Variants in CRB1 observed in about 807,000 individuals in gnomAD.
The protein encoded by CRB1 is crumbs cell polarity complex component 1, also known as protein crumbs homolog 1.
Under a neutral mutation model 120.0 loss-of-function variants are expected in CRB1, and 83 were observed. The observed-to-expected ratio is 0.69, with a 90% CI of 0.58 to 0.83. CRB1 has a LOEUF of 0.83. Ranked by LOEUF, CRB1 falls within the 40% of genes least tolerant of loss-of-function variation. The probability of loss-of-function intolerance (pLI) is 0.00; values close to 1 mark genes in which losing one functional copy is unlikely to be tolerated. For synonymous variants in CRB1, 625 were observed against 612.5 expected (o/e 1.02, Z -0.30); for missense variants, 1,699 against 1,687.6 (o/e 1.01, Z -0.12).
chr1:197,329,143 A>T, intron 2 of CRB1, 140 bp downstream of exon 2: 1 of 764,252 alleles, frequency 1.3e-6, no homozygotes. Context: ...CTAGATAGAA[A>T]CTCCCTAAAC....
the CRB1 span, among the ~76,000 whole-genome samples, chr1:197,240,415 T>C: frequency 6.6e-6 from 1 of 152,144 alleles, no homozygotes; most frequent in Non-Finnish European, 1.5e-5. Flanking sequence ...CCCCTCCCTG[T>C]GTCCATGTGT....
chr1:197,211,109 C>G, the CRB1 span, among the ~76,000 whole-genome samples: 1 of 152,164 alleles, frequency 6.6e-6, no homozygotes, highest in Non-Finnish European at 1.5e-5. Context: ...ACACAATTCT[C>G]TATGACAGGG....
intron 1 of CRB1, among the ~76,000 whole-genome samples, chr1:197,282,416 A>T (rs1017543923): frequency 6.6e-6 from 1 of 151,784 alleles, no homozygotes; most frequent in Non-Finnish European, 1.5e-5. Context: ...TGGTCCAGTA[A>T]CTCTTCTAGG....
rs548753072 is a variant in CRB1 at position 197,410,145 on chromosome 1, T to C, written c.1172-10855T>C. 4.6e-5 allele frequency among the ~76,000 whole-genome samples: 7 copies of C among 152,322 alleles called. No homozygotes were observed. The East Asian group carries it at 1.2e-3, about 25-fold the overall frequency. ...CTAGTTCTCAGCTGTCATTTCCTGC[T>C]GGCTGAAAAGGTACACAAAGTTATC... On this transcript the variant is annotated intron_variant, in intron 5 of 11. Coordinates refer to ENST00000367400, the MANE Select transcript of CRB1 (RefSeq NM_201253.3).
chr1:197,309,685 C>A (rs1014614783), intron 1 of CRB1, among the ~76,000 whole-genome samples: 1 of 151,802 alleles, frequency 6.6e-6, no homozygotes, highest in Non-Finnish European at 1.5e-5. Context: ...ACCCGGGAGG[C>A]AGAGCTTGCA....
intron 5 of CRB1, among the ~76,000 whole-genome samples, chr1:197,384,130 T>G (rs1455964466): frequency 6.6e-6 from 1 of 152,202 alleles, no homozygotes; most frequent in Non-Finnish European, 1.5e-5. Flanking sequence ...CCTCTCTACT[T>G]TCTGTGCCAG....
intron 3 of CRB1, 138 bp from the exon 4 acceptor site, chr1:197,347,202 T>C: frequency 5.1e-6 from 4 of 782,668 alleles, no homozygotes; most frequent in Non-Finnish European, 9.0e-6. Context: ...CAGTCCTGTA[T>C]AGATAATTCC....
intron 1 of CRB1, among the ~76,000 whole-genome samples, chr1:197,297,839 A>G (rs962540472): frequency 4.6e-5 from 7 of 152,134 alleles, no homozygotes; most frequent in African/African-American, 1.4e-4. Flanking sequence ...AATAGCTTTT[A>G]AGAGATAGAG....
intron 5 of CRB1, among the ~76,000 whole-genome samples, chr1:197,367,739 C>T (rs1433930007): frequency 1.3e-5 from 2 of 152,150 alleles, no homozygotes; most frequent in African/African-American, 4.8e-5. Flanking sequence ...AGAGGAACAC[C>T]CTCCCTGGTC....
intron 1 of CRB1, among the ~76,000 whole-genome samples, chr1:197,322,597 C>T (rs72740526): frequency 0.12 from 18,863 of 152,096 alleles, 1,506 homozygotes; most frequent in Middle Eastern, 0.21. Flanking sequence ...TTACAGAAGA[C>T]TTAACATTCC....
At chr1:197,259,293 G>T in the CRB1 span, among the ~76,000 whole-genome samples, 1 of 152,232 alleles carries the variant, frequency 6.6e-6, no homozygotes, top group Admixed American at 6.5e-5. Flanking sequence ...GCCCATCAAT[G>T]ATAGACTGGA....
At chr1:197,264,652 C>T (rs925541274), upstream of CRB1, among the ~76,000 whole-genome samples, 76 of 144,538 alleles carry the variant, frequency 5.3e-4, 1 homozygote, top group Admixed American at 4.4e-3. Context: ...CTCACTCTGT[C>T]GCTCTGTCGC....
chr1:197,216,442 A>AT, the CRB1 span, among the ~76,000 whole-genome samples: 1 of 152,204 alleles, frequency 6.6e-6, no homozygotes, highest in Non-Finnish European at 1.5e-5. Flanking sequence ...CTAGCTGGAA[A>AT]TCGTCAATTA....
chr1:197,232,515 T>C, the CRB1 span, among the ~76,000 whole-genome samples: 1 of 152,250 alleles, frequency 6.6e-6, no homozygotes, highest in East Asian at 1.9e-4. Flanking sequence ...GAACATGGTG[T>C]CCTTAGGGGC....
rs3902057 is a variant in CRB1, at chr1:197,421,238, A to G, written c.1410A>G (p.Leu470=). 1,592,868 of 1,614,162 alleles carry G rather than the reference A, an allele frequency of 0.99. 788,214 individuals are homozygous for G. The highest frequency in any genetic ancestry group is 1 in the East Asian group (44,868 of 44,874). Residue 470 remains leucine (L), a synonymous_variant, in exon 6 of 12, where the codon CTA becomes CTG. Transcript: ENST00000367400. Reference sequence around the variant, plus strand: ...ATGGCCAGCATGGATTCAGCTGCCTATGTCCATCTGGCTACACCGGGTCCC... The same window carrying G: ...ATGGCCAGCATGGATTCAGCTGCCTGTGTCCATCTGGCTACACCGGGTCCC... ...FQDGQHGFSC[L]CPSGYTGSLC...
At chr1:197,315,403 T>C (rs181498090) in intron 1 of CRB1, among the ~76,000 whole-genome samples, 1 of 152,316 alleles carries the variant, frequency 6.6e-6, no homozygotes, top group East Asian at 1.9e-4. Context: ...AAATGCTATG[T>C]CAACACAGAT....
At chr1:197,306,573 T>A (rs1657187097) in intron 1 of CRB1, among the ~76,000 whole-genome samples, 1 of 152,106 alleles carries the variant, frequency 6.6e-6, no homozygotes. Flanking sequence ...AGCTTAGGAT[T>A]GTAGTGGAGT....
chr1:197,215,124 A>G, the CRB1 span, among the ~76,000 whole-genome samples: 1 of 152,222 alleles, frequency 6.6e-6, no homozygotes, highest in African/African-American at 2.4e-5. Context: ...AACATTCTTC[A>G]ATGATAAAAA....
At chr1:197,394,251 G>A (rs982864826) in intron 5 of CRB1, among the ~76,000 whole-genome samples, 1 of 152,066 alleles carries the variant, frequency 6.6e-6, no homozygotes, top group Non-Finnish European at 1.5e-5. Flanking sequence ...TGAATAATCA[G>A]TATATTGTCT....
Sources: allele counts gnomAD v4.1 joint callset (sites outside exome capture counted in the v4.1 genomes callset), GRCh38; gene constraint gnomAD v4.1.1; transcripts MANE v1.5; gene names NCBI Gene and HGNC (gene_info 2026-07-23, HGNC 2026-07-21).